The following NVL variants were observed in gnomAD, a reference collection of about 807,000 sequenced individuals.
NVL encodes nuclear valosin-containing protein-like.
NVL carries 84 observed loss-of-function variants against 110.2 expected under a neutral mutation model. The ratio of observed to expected loss-of-function variants is 0.76; its 90% CI spans 0.64 to 0.91. The LOEUF is 0.91. NVL is among the 40% of genes least tolerant of loss of function. The probability of loss-of-function intolerance (pLI) is 0.00; values close to 1 mark genes in which losing one functional copy is unlikely to be tolerated. For missense variants in NVL, 882 were observed against 1,035.9 expected (o/e 0.85, Z 2.04); for synonymous variants, 354 against 361.1 (o/e 0.98, Z 0.22).
At chr1:224,275,616 T>C (rs1332232193) in intron 16 of NVL, among the ~76,000 whole-genome samples, 158 bp from the exon 17 acceptor site, 1 of 152,216 alleles carries the variant, frequency 6.6e-6, no homozygotes, top group African/African-American at 2.4e-5. Context: ...ATTTAACCAT[T>C]TTTGACCTGT....
At chr1:224,238,920 G>C (rs997296784) in intron 19 of NVL, among the ~76,000 whole-genome samples, 1 of 151,990 alleles carries the variant, frequency 6.6e-6, no homozygotes, top group Non-Finnish European at 1.5e-5. Flanking sequence ...ACCCCTATCC[G>C]GCTCCAGAAC....
intron 12 of NVL, among the ~76,000 whole-genome samples, chr1:224,292,752 C>T (rs915251801): frequency 4.6e-5 from 7 of 151,732 alleles, no homozygotes; most frequent in Non-Finnish European, 8.8e-5. Flanking sequence ...TCATTAAATA[C>T]CTTTTTTTTT....
Position 224,235,390 on chromosome 1 carries a change from A to G in NVL, c.2366+1116T>C, listed in dbSNP as rs574080224. 2.0e-5 allele frequency among the ~76,000 whole-genome samples: 3 copies of G among 152,044 alleles called. No homozygotes were observed. The South Asian group carries it at 6.2e-4, about 32-fold the overall frequency. On this transcript the variant is annotated intron_variant, in intron 20 of 22. Transcript: ENST00000281701. ...ACCATGTTGGCCAGGTTGGTCTCAA[A>G]TTTCTGACCTCAAGTGATCTGCCCA...
chr1:224,261,002 A>G (rs182502488), intron 18 of NVL, among the ~76,000 whole-genome samples: 1 of 152,130 alleles, frequency 6.6e-6, no homozygotes, highest in Admixed American at 6.5e-5. Context: ...CAGCCTCCCG[A>G]GTAGCTGGGA....
At chr1:224,264,039 A>T (rs1397639801) in intron 18 of NVL, among the ~76,000 whole-genome samples, 1 of 151,792 alleles carries the variant, frequency 6.6e-6, no homozygotes, top group East Asian at 1.9e-4. Flanking sequence ...AAACAAACAA[A>T]CTCCAAAAAG....
intron 18 of NVL, among the ~76,000 whole-genome samples, chr1:224,253,700 T>G (rs1361823890): frequency 3.8e-5 from 5 of 130,850 alleles, no homozygotes; most frequent in African/African-American, 5.8e-5. Context: ...GCCACTGCAC[T>G]CCAGCCTTGG....
chr1:224,265,024 T>A (rs914668729), intron 18 of NVL, among the ~76,000 whole-genome samples: 37 of 151,836 alleles, frequency 2.4e-4, no homozygotes, highest in African/African-American at 8.9e-4. Context: ...GGATTACAGG[T>A]GTGAGCCACC....
At chr1:224,321,281 AAG>A (rs1188507223) in intron 2 of NVL, among the ~76,000 whole-genome samples, 5 of 152,166 alleles carry the variant, frequency 3.3e-5, no homozygotes, top group Non-Finnish European at 7.4e-5. Flanking sequence ...AAATTAAACA[AAG>A]AGAGAAAGAA....
chr1:224,292,301 C>T (rs1223538991), intron 12 of NVL, among the ~76,000 whole-genome samples: 1 of 152,106 alleles, frequency 6.6e-6, no homozygotes, highest in Non-Finnish European at 1.5e-5. Flanking sequence ...AAAAAATTCT[C>T]TATGTCAGAT....
In NVL at chr1:224,289,701, A is replaced by G; in HGVS notation, c.1358T>C (p.Leu453Pro). 1 of 1,614,172 alleles carries G rather than the reference A, an allele frequency of 6.2e-7. No individual in the cohort carries two copies. The highest frequency in any genetic ancestry group is 8.5e-7 in the Non-Finnish European group (1 of 1,179,986). Reference protein sequence around the residue: ...ILQTLCRKLRLPQAFDFCHLA... With the variant: ...ILQTLCRKLRPPQAFDFCHLA... ...GTGACAGAAATCAAAAGCTTGAGGAAGCCTCAGTTTTCTGCACAATGTTTG... is the reference window on the plus strand; with the variant it reads ...GTGACAGAAATCAAAAGCTTGAGGAGGCCTCAGTTTTCTGCACAATGTTTG... Residue 453 changes from leucine to proline, a missense_variant, in exon 13 of 23, where the codon CTT (leucine) becomes CCT (proline). Transcript: ENST00000281701.
intron 12 of NVL, among the ~76,000 whole-genome samples, chr1:224,289,937 G>A (rs1345016231): frequency 6.6e-6 from 1 of 152,172 alleles, no homozygotes; most frequent in East Asian, 1.9e-4. Flanking sequence ...GTAAATATCT[G>A]CTTTGTTAGG....
intron 18 of NVL, among the ~76,000 whole-genome samples, chr1:224,260,423 T>C (rs1279769493): frequency 6.6e-5 from 10 of 152,090 alleles, no homozygotes; most frequent in African/African-American, 2.4e-4. Context: ...CATGGCCAGC[T>C]AATTTTTGTA....
chr1:224,253,723 C>A (rs757181145), intron 18 of NVL, among the ~76,000 whole-genome samples: 54 of 136,486 alleles, frequency 4.0e-4, no homozygotes, highest in Non-Finnish European at 6.7e-4. Flanking sequence ...CAGAGCAAGG[C>A]TCGGTCTCAA....
At chr1:224,312,122 G>T (rs1669585154) in intron 4 of NVL, 1 of 321,686 alleles carries the variant, frequency 3.1e-6, no homozygotes, top group Non-Finnish European at 5.6e-6. Flanking sequence ...ATAAACACTT[G>T]CAAAGTCCTT....
chr1:224,298,382 G>A, intron 10 of NVL: 1 of 183,992 alleles, frequency 5.4e-6, no homozygotes, highest in Non-Finnish European at 1.1e-5. Flanking sequence ...CAAGATTCTT[G>A]CCAAGAGAAT....
At chr1:224,305,264 T>C in intron 6 of NVL, 98 bp from the exon 7 acceptor site, 1 of 1,229,810 alleles carries the variant, frequency 8.1e-7, no homozygotes, top group South Asian at 1.5e-5. Flanking sequence ...AATTCATTCC[T>C]GCCCTAGCAC....
chr1:224,238,475 A>G (rs1430431254), intron 19 of NVL, among the ~76,000 whole-genome samples: 1 of 152,178 alleles, frequency 6.6e-6, no homozygotes, highest in Admixed American at 6.6e-5. Flanking sequence ...CCAGCGTCTC[A>G]CTGCCTCCCA....
chr1:224,266,318 GA>G (rs1216494368), intron 18 of NVL, among the ~76,000 whole-genome samples: 1 of 152,274 alleles, frequency 6.6e-6, no homozygotes, highest in East Asian at 1.9e-4. Context: ...GTAGGCTGAA[GA>G]AAACAGTTGT....
At chr1:224,236,804 G>A (rs1305977547) in intron 19 of NVL, among the ~76,000 whole-genome samples, 5 of 152,124 alleles carry the variant, frequency 3.3e-5, no homozygotes, top group Admixed American at 2.0e-4. Context: ...CCAGCTACTC[G>A]GGAGGCTGAG....
Sources: allele counts gnomAD v4.1 joint callset (sites outside exome capture counted in the v4.1 genomes callset), GRCh38; gene constraint gnomAD v4.1.1; transcripts MANE v1.5; gene names NCBI Gene and HGNC (gene_info 2026-07-23, HGNC 2026-07-21).